Variants in LGSN observed in about 807,000 individuals in gnomAD.
LGSN encodes the protein lengsin, lens protein with glutamine synthetase domain, also known as lengsin.
LGSN carries 21 observed loss-of-function variants against 19.5 expected under a neutral mutation model. The ratio of observed to expected loss-of-function variants is 1.07; its 90% CI spans 0.76 to 1.55. The LOEUF (loss-of-function observed/expected upper bound fraction) is 1.55, where lower values mean the gene tolerates loss of function less well. Among genes scored for constraint, LGSN ranks in the 40% most tolerant of loss-of-function variants. LGSN has a pLI of 0.00. For missense variants in LGSN, 673 were observed against 608.5 expected (o/e 1.11, Z -1.12); for synonymous variants, 257 against 215.6 (o/e 1.19, Z -1.68).
the LGSN span, among the ~76,000 whole-genome samples, chr6:63,331,363 A>G: frequency 2.9e-3 from 447 of 152,306 alleles, 3 homozygotes; most frequent in African/African-American, 0.01. Context: ...TCTCTCAGGT[A>G]GCCATTTTTC....
chr6:63,405,362 A>T, the LGSN span, among the ~76,000 whole-genome samples: 1 of 152,110 alleles, frequency 6.6e-6, no homozygotes, highest in Admixed American at 6.6e-5. Flanking sequence ...CTAGTTCTAG[A>T]TCCCTGAGGA....
At chr6:63,366,330 C>T in the LGSN span, among the ~76,000 whole-genome samples, 2 of 152,098 alleles carry the variant, frequency 1.3e-5, no homozygotes, top group Non-Finnish European at 2.9e-5. Flanking sequence ...GAGTGAACTC[C>T]CACTCACAAT....
chr6:63,317,969 T>C (rs561961740), intron 1 of LGSN, among the ~76,000 whole-genome samples: 8 of 152,306 alleles, frequency 5.3e-5, no homozygotes, highest in Non-Finnish European at 1.2e-4. Flanking sequence ...CAGATTTTAA[T>C]TGTTATGATA....
chr6:63,317,227 A>AT lies in LGSN; in HGVS notation c.30+2686dup, dbSNP rs1445401130. ...GACTCCTTTTTAATGAGTTCTCACT[A>AT]TATTGTAAGCACAGTTCTAAGCACT... On this transcript the variant is annotated intron_variant, in intron 1 of 3. Coordinates refer to ENST00000370657, the MANE Select transcript of LGSN (RefSeq NM_016571.3). 2.6e-5 allele frequency among the ~76,000 whole-genome samples: 4 copies of AT among 152,322 alleles called. No individual in the cohort carries two copies. The East Asian group carries it at 7.7e-4, about 29-fold the overall frequency.
chr6:63,471,971 C>T, the LGSN span, among the ~76,000 whole-genome samples: 1 of 152,232 alleles, frequency 6.6e-6, no homozygotes, highest in Non-Finnish European at 1.5e-5. Flanking sequence ...AGAGAGCCCT[C>T]ACCAGAAATC....
At chr6:63,469,623 T>A in the LGSN span, among the ~76,000 whole-genome samples, 1 of 152,206 alleles carries the variant, frequency 6.6e-6, no homozygotes, top group African/African-American at 2.4e-5. Flanking sequence ...TACTGGAAAA[T>A]GTAAAAGTTA....
the LGSN span, among the ~76,000 whole-genome samples, chr6:63,442,885 C>A: frequency 6.6e-6 from 1 of 152,224 alleles, no homozygotes; most frequent in Non-Finnish European, 1.5e-5. Flanking sequence ...ACTCAGGAGC[C>A]CAGCTGGCTT....
chr6:63,552,846 G>C, the LGSN span, among the ~76,000 whole-genome samples: 771 of 152,268 alleles, frequency 5.1e-3, 3 homozygotes, highest in African/African-American at 8.0e-3. Flanking sequence ...GATGATTGTA[G>C]ATGTGTGGTA....
chr6:63,357,745 T>A, the LGSN span, among the ~76,000 whole-genome samples: 3 of 152,252 alleles, frequency 2.0e-5, no homozygotes, highest in African/African-American at 7.2e-5. Flanking sequence ...CTTTGTCAGA[T>A]AAGTAGGTTG....
At chr6:63,297,304 T>C (rs970639829) in intron 1 of LGSN, among the ~76,000 whole-genome samples, 2 of 149,684 alleles carry the variant, frequency 1.3e-5, no homozygotes, top group South Asian at 2.1e-4. Context: ...GATGGCACCA[T>C]TGCATTCTAG....
chr6:63,555,170 A>G, the LGSN span, among the ~76,000 whole-genome samples: 11 of 152,310 alleles, frequency 7.2e-5, no homozygotes, highest in South Asian at 2.1e-4. Context: ...TTCTTCAAAG[A>G]AGATCTAGTT....
chr6:63,494,754 G>A, the LGSN span, among the ~76,000 whole-genome samples: 3 of 152,130 alleles, frequency 2.0e-5, no homozygotes, highest in Non-Finnish European at 4.4e-5. Flanking sequence ...TGTGCCATAG[G>A]CAAAACTTTT....
chr6:63,353,503 A>G, the LGSN span, among the ~76,000 whole-genome samples: 1 of 151,176 alleles, frequency 6.6e-6, no homozygotes, highest in Non-Finnish European at 1.5e-5. Flanking sequence ...GAAGTTTTCT[A>G]CTATACTCTT....
the LGSN span, among the ~76,000 whole-genome samples, chr6:63,522,373 A>G: frequency 5.9e-5 from 9 of 152,230 alleles, no homozygotes; most frequent in Admixed American, 6.5e-5. Context: ...CATTCTAGTT[A>G]AACAGAAGAT....
the LGSN span, chr6:63,573,466 G>T: frequency 2.6e-5 from 4 of 152,176 alleles, no homozygotes. Context: ...GCGCCTGACT[G>T]AAGGCGCGGC....
chr6:63,476,638 G>T, the LGSN span, among the ~76,000 whole-genome samples: 1 of 152,108 alleles, frequency 6.6e-6, no homozygotes, highest in Non-Finnish European at 1.5e-5. Context: ...TTCTCACTCA[G>T]CAGCTGCTAG....
At chr6:63,542,484 T>C in the LGSN span, among the ~76,000 whole-genome samples, 1 of 152,162 alleles carries the variant, frequency 6.6e-6, no homozygotes, top group Non-Finnish European at 1.5e-5. Flanking sequence ...AATAATCTAC[T>C]GCCTTTCCAA....
the LGSN span, among the ~76,000 whole-genome samples, chr6:63,382,547 C>T: frequency 6.6e-6 from 1 of 152,186 alleles, no homozygotes; most frequent in African/African-American, 2.4e-5. Context: ...TGCACCCATG[C>T]ATGTGTTACC....
chr6:63,349,600 G>A, the LGSN span, among the ~76,000 whole-genome samples: 1 of 152,158 alleles, frequency 6.6e-6, no homozygotes, highest in Non-Finnish European at 1.5e-5. Flanking sequence ...ATTGCAATTC[G>A]ACAAGGGAGA....
Sources: gnomAD v4.1 joint callset for allele counts (sites outside exome capture counted in the v4.1 genomes callset) on GRCh38, gnomAD v4.1.1 for gene constraint, MANE v1.5 for transcripts, NCBI Gene and HGNC (gene_info 2026-07-23, HGNC 2026-07-21) for gene names.